OR9Q1: variants seen among roughly 807,000 people sequenced by gnomAD.
OR9Q1 encodes the protein olfactory receptor family 9 subfamily Q member 1.
For synonymous variants in OR9Q1, 153 were observed against 148.6 expected (o/e 1.03, Z -0.22); for missense variants, 374 against 378.8 (o/e 0.99, Z 0.11).
intron 2 of OR9Q1, among the ~76,000 whole-genome samples, chr11:58,149,325 T>C (rs1021587638): frequency 3.3e-5 from 5 of 152,186 alleles, no homozygotes; most frequent in African/African-American, 9.7e-5. Context: ...TCTGTGTGGG[T>C]AGGGACTTTG....
intron 1 of OR9Q1, among the ~76,000 whole-genome samples, chr11:58,043,842 T>A (rs12418866): frequency 0.49 from 74,401 of 151,996 alleles, 18,538 homozygotes; most frequent in Middle Eastern, 0.59. Context: ...TATTGAGAGA[T>A]GAGCTGTGCT....
At chr11:58,054,579 G>A (rs925870943) in intron 1 of OR9Q1, among the ~76,000 whole-genome samples, 1 of 152,150 alleles carries the variant, frequency 6.6e-6, no homozygotes, top group East Asian at 1.9e-4. Flanking sequence ...GAAAATACTT[G>A]TGCTTAGTAT....
intron 2 of OR9Q1, among the ~76,000 whole-genome samples, chr11:58,179,012 A>AGAGAGAGAGAGAGAGAGAGAG (rs1854633335): frequency 1.5e-5 from 2 of 132,452 alleles, no homozygotes; most frequent in African/African-American, 5.6e-5. Flanking sequence ...GAAAGAAAGA[A>AGAGAGAGAGAGAGAGAGAGAG]AGAGAGAGAG....
intron 2 of OR9Q1, among the ~76,000 whole-genome samples, chr11:58,081,309 T>G (rs1395777336): frequency 6.6e-6 from 1 of 152,120 alleles, no homozygotes; most frequent in Non-Finnish European, 1.5e-5. Flanking sequence ...GTAGCATGAT[T>G]TATCATCCTT....
intron 2 of OR9Q1, among the ~76,000 whole-genome samples, chr11:58,120,466 A>G (rs770187606): frequency 2.6e-5 from 4 of 151,760 alleles, no homozygotes; most frequent in African/African-American, 7.3e-5. Flanking sequence ...TTTATTTTTT[A>G]TTTTCATAGG....
intron 2 of OR9Q1, among the ~76,000 whole-genome samples, chr11:58,103,593 T>G (rs1268107449): frequency 6.6e-6 from 1 of 152,218 alleles, no homozygotes; most frequent in Non-Finnish European, 1.5e-5. Context: ...ATAAATTTCA[T>G]TTTTTGAGAT....
At chr11:58,057,610 C>A (rs1853340598) in intron 2 of OR9Q1, 1 of 152,218 alleles carries the variant, frequency 6.6e-6, no homozygotes, top group Non-Finnish European at 1.5e-5. Flanking sequence ...AGTTTTCTAA[C>A]TTTGTGGTTA....
chr11:58,107,359 G>GTGTT (rs954167524), intron 2 of OR9Q1, among the ~76,000 whole-genome samples: 1 of 152,170 alleles, frequency 6.6e-6, no homozygotes, highest in African/African-American at 2.4e-5. Flanking sequence ...AGAACATGCG[G>GTGTT]TGTTTGGTTT....
At chr11:58,082,392 T>C in intron 2 of OR9Q1, among the ~76,000 whole-genome samples, 1 of 152,018 alleles carries the variant, frequency 6.6e-6, no homozygotes, top group Non-Finnish European at 1.5e-5. Context: ...GAGGCACATA[T>C]ACACCATGGA....
At chr11:58,171,217 G>A (rs1477845267) in intron 2 of OR9Q1, 1 of 152,222 alleles carries the variant, frequency 6.6e-6, no homozygotes, top group African/African-American at 2.4e-5. Context: ...TCTGGCAGAA[G>A]CTGGTGACTG....
intron 1 of OR9Q1, among the ~76,000 whole-genome samples, chr11:58,043,863 G>A (rs186681183): frequency 1.3e-5 from 2 of 152,256 alleles, no homozygotes; most frequent in East Asian, 1.9e-4. Context: ...AGGTGTAGGG[G>A]TCCAGTATCA....
At chr11:58,058,461 T>TA (rs1853347852) in intron 2 of OR9Q1, among the ~76,000 whole-genome samples, 1 of 152,160 alleles carries the variant, frequency 6.6e-6, no homozygotes, top group Non-Finnish European at 1.5e-5. Flanking sequence ...AGGAAGTCCT[T>TA]AAAGGCAGGT....
chr11:58,151,568 C>T (rs1170250306), intron 2 of OR9Q1, among the ~76,000 whole-genome samples: 1 of 152,088 alleles, frequency 6.6e-6, no homozygotes, highest in Non-Finnish European at 1.5e-5. Flanking sequence ...AGTAAAACTC[C>T]TCTGTTGAAA....
intron 2 of OR9Q1, chr11:58,144,454 T>A (rs1565089226): frequency 6.6e-6 from 1 of 152,080 alleles, no homozygotes. Context: ...TATTATTTTT[T>A]AATTTCAGTG....
At chr11:58,034,817 C>CCTTCCTTCCTTCCTTCCTTG (rs1853084307) in intron 1 of OR9Q1, among the ~76,000 whole-genome samples, 5 of 143,364 alleles carry the variant, frequency 3.5e-5, no homozygotes, top group Non-Finnish European at 6.1e-5. Context: ...TTCCTTCCTT[C>CCTTCCTTCCTTCCTTCCTTG]CTTCCTTGCT....
chr11:58,044,412 G>A (rs2122803), intron 1 of OR9Q1: 141,377 of 152,228 alleles, frequency 0.93, 65,866 homozygotes, highest in South Asian at 0.97. Flanking sequence ...TCCACAGGAC[G>A]TTTTTCGTTG....
intron 2 of OR9Q1, chr11:58,144,392 C>T: frequency 6.6e-6 from 1 of 151,940 alleles, no homozygotes; most frequent in Non-Finnish European, 1.5e-5. Context: ...CACATATACT[C>T]CATGGAATAC....
chr11:58,140,088 C>T (rs1198431905), intron 2 of OR9Q1, among the ~76,000 whole-genome samples: 7 of 152,084 alleles, frequency 4.6e-5, no homozygotes, highest in Middle Eastern at 3.4e-3. Flanking sequence ...TGTCTTCTTT[C>T]GAGAAGTGTC....
intron 1 of OR9Q1, among the ~76,000 whole-genome samples, chr11:58,035,945 GTT>G (rs386373862): frequency 2.1e-5 from 3 of 141,460 alleles, no homozygotes; most frequent in Non-Finnish European, 4.6e-5. Flanking sequence ...ACTGGTACTG[GTT>G]TTTTTTTTTT....
Sources: allele counts gnomAD v4.1 joint callset (sites outside exome capture counted in the v4.1 genomes callset), GRCh38; gene constraint gnomAD v4.1.1; transcripts MANE v1.5; gene names NCBI Gene and HGNC (gene_info 2026-07-23, HGNC 2026-07-21).